Variants in KLHL1 observed in about 807,000 individuals in gnomAD.
KLHL1 encodes the protein kelch-like protein 1.
A neutral mutation model predicts 77.7 loss-of-function variants in KLHL1; 47 were observed. The observed-to-expected ratio is 0.60, with a 90% CI of 0.48 to 0.77. The LOEUF (loss-of-function observed/expected upper bound fraction) is 0.77, where lower values mean the gene tolerates loss of function less well. Among genes scored for constraint, KLHL1 ranks in the 30% least tolerant of loss-of-function variants. The pLI is 0.00. For synonymous variants in KLHL1, 360 were observed against 325.2 expected, an observed-to-expected ratio of 1.11 and a Z score of -1.15; for missense variants, 925 against 910.8, an observed-to-expected ratio of 1.02 and a Z score of -0.20.
At chr13:69,790,711 A>AATAG (rs1272846255) in intron 7 of KLHL1, among the ~76,000 whole-genome samples, 1 of 152,222 alleles carries the variant, frequency 6.6e-6, no homozygotes, top group African/African-American at 2.4e-5. Flanking sequence ...TGCATATTTC[A>AATAG]ATAGATACAG....
At chr13:70,001,657 T>TTATCTATC (rs71116972) in intron 1 of KLHL1, among the ~76,000 whole-genome samples, 19,372 of 145,218 alleles carry the variant, frequency 0.13, 1,298 homozygotes, top group East Asian at 0.21. Flanking sequence ...TATCTATCTA[T>TTATCTATC]TATCTATCTA....
At chr13:70,039,497 C>T (rs1886320748) in intron 1 of KLHL1, among the ~76,000 whole-genome samples, 1 of 152,052 alleles carries the variant, frequency 6.6e-6, no homozygotes, top group Non-Finnish European at 1.5e-5. Context: ...AGATTTTCTC[C>T]AAAATTAACT....
chr13:69,857,718 T>C (rs1274597157), intron 5 of KLHL1, among the ~76,000 whole-genome samples: 1 of 151,922 alleles, frequency 6.6e-6, no homozygotes. Flanking sequence ...ATCATTTAAC[T>C]AACTATGCAG....
intron 1 of KLHL1, among the ~76,000 whole-genome samples, chr13:70,017,025 C>T (rs1885676146): frequency 6.6e-6 from 1 of 152,158 alleles, no homozygotes; most frequent in African/African-American, 2.4e-5. Flanking sequence ...AACCTGCATG[C>T]AGAAAGGAGC....
chr13:69,983,026 A>C (rs1884757864), intron 1 of KLHL1, among the ~76,000 whole-genome samples: 1 of 152,190 alleles, frequency 6.6e-6, no homozygotes, highest in Admixed American at 6.5e-5. Context: ...ATATAAAATC[A>C]AAATGTAAAA....
chr13:70,078,310 A>G (rs1015034549), intron 1 of KLHL1, among the ~76,000 whole-genome samples: 1 of 152,114 alleles, frequency 6.6e-6, no homozygotes, highest in Admixed American at 6.6e-5. Context: ...TAAAAAGGTC[A>G]TATTAAATAG....
At chr13:69,876,259 TA>T (rs992225180) in intron 5 of KLHL1, among the ~76,000 whole-genome samples, 25 of 152,202 alleles carry the variant, frequency 1.6e-4, no homozygotes, top group African/African-American at 6.0e-4. Context: ...TTACTCTTTC[TA>T]ACTGTTTTTA....
intron 5 of KLHL1, among the ~76,000 whole-genome samples, chr13:69,876,962 G>A (rs1028667068): frequency 6.6e-6 from 1 of 152,074 alleles, no homozygotes; most frequent in Non-Finnish European, 1.5e-5. Context: ...GCTTGAACCT[G>A]CGAGGCAGAG....
chr13:70,058,620 A>G (rs1465728973), intron 1 of KLHL1, among the ~76,000 whole-genome samples: 1 of 152,198 alleles, frequency 6.6e-6, no homozygotes, highest in Non-Finnish European at 1.5e-5. Context: ...GGAAGAATTA[A>G]TATTTTTAAA....
At chr13:69,941,050 T>C (rs539182305) in intron 3 of KLHL1, among the ~76,000 whole-genome samples, 14 of 152,114 alleles carry the variant, frequency 9.2e-5, no homozygotes, top group African/African-American at 3.1e-4. Flanking sequence ...ATTGTACAAT[T>C]GTATATACAA....
intron 8 of KLHL1, among the ~76,000 whole-genome samples, chr13:69,722,016 CAAAAG>C (rs943372787): frequency 1.3e-5 from 2 of 151,976 alleles, no homozygotes; most frequent in Non-Finnish European, 2.9e-5. Flanking sequence ...TGATTTAACT[CAAAAG>C]AAGTATGGAA....
intron 1 of KLHL1, among the ~76,000 whole-genome samples, chr13:70,027,782 T>G (rs1371547349): frequency 6.6e-6 from 1 of 151,994 alleles, no homozygotes; most frequent in African/African-American, 2.4e-5. Context: ...GATTTGGGGA[T>G]TTATTAAGTA....
chr13:70,057,390 A>C (rs561744103), intron 1 of KLHL1, among the ~76,000 whole-genome samples: 1 of 150,790 alleles, frequency 6.6e-6, no homozygotes, highest in African/African-American at 2.4e-5. Context: ...AAATAATTCC[A>C]AAAACTATAA....
chr13:70,081,843 G>A (rs1012421961), intron 1 of KLHL1, among the ~76,000 whole-genome samples: 1 of 152,154 alleles, frequency 6.6e-6, no homozygotes, highest in African/African-American at 2.4e-5. Context: ...GAACTTACGG[G>A]TTTGTGGTAA....
chr13:69,882,302 A>T lies in KLHL1; in HGVS notation c.1208T>A (p.Leu403Gln). 6.2e-7 allele frequency: 1 copy of T among 1,612,846 alleles called. No individual in the cohort carries two copies. Among genetic ancestry groups the T allele is most frequent in the South Asian group, 1.1e-5 (1 of 91,050 alleles). Residue 403 changes from leucine (L) to glutamine (Q), a missense_variant, in exon 5 of 11, where the codon CTG (leucine) becomes CAG (glutamine). Leu to Gln is a moderately radical substitution (Grantham distance 113). Coordinates refer to ENST00000377844, the MANE Select transcript of KLHL1 (RefSeq NM_020866.3). ...CATTACCTGTGGTGGAAGCAGTGGCAGTCTTATAAAGGCAAGAAGCATGCT... is the reference window on the plus strand; with the variant it reads ...CATTACCTGTGGTGGAAGCAGTGGCTGTCTTATAAAGGCAAGAAGCATGCT... ...DLSMLLAFIRLPLLPPQILAD... is the reference protein window; with the variant it reads ...DLSMLLAFIRQPLLPPQILAD...
chr13:69,903,789 G>A (rs995647820), intron 4 of KLHL1, among the ~76,000 whole-genome samples: 6 of 151,018 alleles, frequency 4.0e-5, no homozygotes, highest in East Asian at 3.9e-4. Flanking sequence ...TTACAGGTGC[G>A]TACCACCATG....
intron 1 of KLHL1, among the ~76,000 whole-genome samples, chr13:69,982,693 T>G (rs917847416): frequency 2.6e-5 from 4 of 151,804 alleles, no homozygotes; most frequent in African/African-American, 9.7e-5. Context: ...GCTGAATGGA[T>G]ACACTTATGC....
At chr13:70,069,180 C>T (rs573859701) in intron 1 of KLHL1, among the ~76,000 whole-genome samples, 34 of 152,106 alleles carry the variant, frequency 2.2e-4, no homozygotes, top group Non-Finnish European at 2.6e-4. Flanking sequence ...AAGCCCCATA[C>T]GCTACCATCA....
intron 3 of KLHL1, among the ~76,000 whole-genome samples, chr13:69,946,493 GAT>G (rs76342967): frequency 0.13 from 19,127 of 151,808 alleles, 1,663 homozygotes; most frequent in East Asian, 0.29. Context: ...TGAGGATTGT[GAT>G]TTTTTTTCTT....
Sources: gnomAD v4.1 joint callset for allele counts (sites outside exome capture counted in the v4.1 genomes callset) on GRCh38, gnomAD v4.1.1 for gene constraint, MANE v1.5 for transcripts, NCBI Gene and HGNC (gene_info 2026-07-23, HGNC 2026-07-21) for gene names.